Variants in PDE1C observed in about 807,000 individuals in gnomAD.
The protein encoded by PDE1C is phosphodiesterase 1C, also known as dual specificity calcium/calmodulin-dependent 3',5'-cyclic nucleotide phosphodiesterase 1C.
PDE1C carries 62 observed loss-of-function variants against 93.1 expected under a neutral mutation model. The observed-to-expected ratio is 0.67, with a 90% confidence interval of 0.54 to 0.82. The LOEUF (loss-of-function observed/expected upper bound fraction) is 0.82, where lower values mean the gene tolerates loss of function less well. PDE1C is among the 40% of genes least tolerant of loss of function. PDE1C has a pLI of 0.00. For missense variants in PDE1C, 742 were observed against 884.6 expected (o/e 0.84, Z 2.04); for synonymous variants, 325 against 310.1 (o/e 1.05, Z -0.50).
At chr7:32,388,322 A>T (rs1169099418) in intron 1 of PDE1C, among the ~76,000 whole-genome samples, 1 of 152,190 alleles carries the variant, frequency 6.6e-6, no homozygotes, top group Non-Finnish European at 1.5e-5. Context: ...GAGATGAGCA[A>T]GTACTGAAAC....
Position 31,797,405 on chromosome 7 carries a change from T to G in PDE1C, c.1891+11626A>C, listed in dbSNP as rs559689350. Among the ~76,000 whole-genome samples, 187 of 151,846 alleles carry G rather than the reference T, an allele frequency of 1.2e-3. 1 individual carries two copies. Among genetic ancestry groups the G allele is most frequent in the Admixed American group, 0.011 (160 of 15,208 alleles). On this transcript the variant is annotated intron_variant, in intron 16 of 17. Transcript: ENST00000396191. ...TTGAGACAGAAACAAGTTTAAAACC[T>G]AAAGGATGGGATTAACTATATGTAT... is the stretch of plus-strand genomic sequence containing the variant.
At chr7:32,380,247 A>AT (rs906017155) in intron 1 of PDE1C, among the ~76,000 whole-genome samples, 16 of 144,258 alleles carry the variant, frequency 1.1e-4, no homozygotes, top group South Asian at 4.5e-4. Flanking sequence ...TTTTTTATTT[A>AT]TTTTTTTTGA....
chr7:32,403,155 C>T (rs1252323232), intron 1 of PDE1C, among the ~76,000 whole-genome samples: 4 of 152,016 alleles, frequency 2.6e-5, no homozygotes, highest in African/African-American at 9.7e-5. Context: ...TTCAGTTCTC[C>T]ATGGAGGACA....
chr7:32,030,078 A>AACACACAC (rs376919544), intron 2 of PDE1C, among the ~76,000 whole-genome samples: 2,756 of 134,050 alleles, frequency 0.021, 39 homozygotes, highest in East Asian at 0.053. Flanking sequence ...TGCATATTAT[A>AACACACAC]ACACACACAC....
In PDE1C at chr7:32,420,313, GTGTATATATATGTGTA is replaced by G. The variant is rs1785392847; in HGVS notation, c.310+7493_310+7508del. Among the ~76,000 whole-genome samples the G allele has an allele frequency of 2.1e-4, 2 of 9,630 alleles. 1 individual carries two copies. Among genetic ancestry groups the G allele is most frequent in the Admixed American group, 4.9e-3 (2 of 408 alleles). 6.3% of individuals were successfully genotyped at this position (9,630 alleles called of 152,430 possible). On this transcript the variant is annotated intron_variant, in intron 1 of 1. Coordinates refer to the PDE1C transcript ENST00000672256. ...TATATATATGTGTATATATATACAT[GTGTATATATATGTGTA>G]TATATATATGTGTATATATATGTGT...
In PDE1C at chr7:31,775,666, G is replaced by A. The variant is rs201460400; in HGVS notation, c.1958C>T (p.Pro653Leu). 40 of 1,612,230 alleles carry A rather than the reference G, an allele frequency of 2.5e-5. No individual in the cohort carries two copies. The highest frequency in any genetic ancestry group is 2.6e-5 in the Non-Finnish European group (31 of 1,179,470). Reference sequence around the variant, plus strand: ...ATGGTGCAATGCTGTTTACCCACCTGGCAACGTAAGGCGACACGTGGAGCT... The same window carrying A: ...ATGGTGCAATGCTGTTTACCCACCTAGCAACGTAAGGCGACACGTGGAGCT... ...STSSTCRLTLPVIKPPLRHFK... is the reference protein window; with the variant it reads ...STSSTCRLTLLVIKPPLRHFK... Residue 653 changes from proline (P) to leucine (L), a missense_variant and splice_region_variant, in exon 17 of 18, where the codon CCA becomes CTA. By Grantham distance (98) the Pro-to-Leu change is moderately conservative (BLOSUM62 -3). Transcript: ENST00000396191.
chr7:31,628,293 A>T, the PDE1C span, among the ~76,000 whole-genome samples: 2 of 152,120 alleles, frequency 1.3e-5, no homozygotes, highest in African/African-American at 4.8e-5. Flanking sequence ...GCAGAGAATG[A>T]TCAGAATAGA....
intron 2 of PDE1C, among the ~76,000 whole-genome samples, chr7:32,030,516 T>G (rs867604145): frequency 6.6e-6 from 1 of 152,044 alleles, no homozygotes. Flanking sequence ...ACTGAAGACA[T>G]CAGTAGGCTT....
intron 2 of PDE1C, among the ~76,000 whole-genome samples, chr7:31,950,770 A>G (rs1807260625): frequency 6.6e-6 from 1 of 152,214 alleles, no homozygotes; most frequent in African/African-American, 2.4e-5. Flanking sequence ...AATTTAGCAT[A>G]AATTCTACAT....
At chr7:32,319,438 C>A (rs1359513651) in intron 1 of PDE1C, among the ~76,000 whole-genome samples, 1 of 133,368 alleles carries the variant, frequency 7.5e-6, no homozygotes, top group Non-Finnish European at 1.7e-5. Context: ...GCCATTGGGC[C>A]GTGGGCAAGC....
intron 1 of PDE1C, among the ~76,000 whole-genome samples, chr7:32,311,333 G>C (rs1783035458): frequency 6.6e-6 from 1 of 152,218 alleles, no homozygotes; most frequent in Non-Finnish European, 1.5e-5. Context: ...GTACAAGGAG[G>C]AGCTGGTACC....
intron 1 of PDE1C, among the ~76,000 whole-genome samples, chr7:32,283,737 A>G (rs887217717): frequency 3.9e-5 from 6 of 152,218 alleles, no homozygotes; most frequent in African/African-American, 1.2e-4. Context: ...GTCCCGTCCC[A>G]ATGCAGAGCT....
At chr7:31,650,519 G>A in the PDE1C span, among the ~76,000 whole-genome samples, 4 of 152,256 alleles carry the variant, frequency 2.6e-5, no homozygotes, top group East Asian at 3.9e-4. Flanking sequence ...GATTAAAAGC[G>A]TAGACAAAGT....
chr7:32,417,132 C>T (rs553210073), intron 1 of PDE1C, among the ~76,000 whole-genome samples: 9 of 152,138 alleles, frequency 5.9e-5, no homozygotes, highest in Non-Finnish European at 8.8e-5. Flanking sequence ...GCATTTACCA[C>T]GAGCTGAGCG....
intron 2 of PDE1C, among the ~76,000 whole-genome samples, chr7:32,005,622 A>G (rs61370910): frequency 0.015 from 2,219 of 150,438 alleles, 57 homozygotes; most frequent in African/African-American, 0.05. Context: ...CACCAGATCC[A>G]GAATTTTAAC....
At chr7:31,679,155 A>C in the PDE1C span, among the ~76,000 whole-genome samples, 2 of 152,302 alleles carry the variant, frequency 1.3e-5, no homozygotes, top group African/African-American at 4.8e-5. Flanking sequence ...GGCTGCTCCT[A>C]TGTGGGCAAT....
At chr7:32,070,467 C>T (rs2301933), upstream of PDE1C, 59,217 of 1,579,064 alleles carry the variant, frequency 0.038, 1,399 homozygotes, top group East Asian at 0.1. Context: ...CCTCGCCCAG[C>T]TCGCGATGCC....
intron 3 of PDE1C, among the ~76,000 whole-genome samples, chr7:32,082,275 G>C (rs1313433441): frequency 6.6e-6 from 1 of 152,236 alleles, no homozygotes; most frequent in Non-Finnish European, 1.5e-5. Context: ...ACAGCAGTCT[G>C]AGATCAAACT....
At chr7:31,666,746 C>T in the PDE1C span, among the ~76,000 whole-genome samples, 1 of 152,136 alleles carries the variant, frequency 6.6e-6, no homozygotes, top group African/African-American at 2.4e-5. Context: ...CAAATGTCCC[C>T]TTATGCCCCT....
Sources: allele counts gnomAD v4.1 joint callset (sites outside exome capture counted in the v4.1 genomes callset), GRCh38; gene constraint gnomAD v4.1.1; transcripts MANE v1.5; gene names NCBI Gene and HGNC (gene_info 2026-07-23, HGNC 2026-07-21).